Variants in PSG1 observed in about 807,000 individuals in gnomAD.
PSG1 encodes the protein pregnancy-specific beta-1-glycoprotein 1.
PSG1 carries 60 observed loss-of-function variants against 41.4 expected under a neutral mutation model. That is an observed-to-expected ratio of 1.45 (90% CI 1.18 to 1.80). The LOEUF is 1.80. Among genes scored for constraint, PSG1 ranks in the 40% most tolerant of loss-of-function variants. PSG1 has a pLI of 0.00. For missense variants in PSG1, 806 were observed against 516.9 expected (o/e 1.56, Z -5.42); for synonymous variants, 256 against 192.9 (o/e 1.33, Z -2.71).
In PSG1 at chr19:42,872,032, C is replaced by T. The variant is rs193219975; in HGVS notation, c.444G>A (p.Lys148=). Residue 148 remains lysine (K), a synonymous_variant, in exon 3 of 6, where the codon AAG becomes AAA. Transcript: ENST00000436291. ...FTFTLHLETP[K]PSISSSNLNP... is the part of the protein sequence containing the mutation. ...TTAAGTTGCTGCTGGAGATGGAGGGCTTAGGAGTCTCCACTGTGCAGAAAA... is the reference window on the plus strand; with the variant it reads ...TTAAGTTGCTGCTGGAGATGGAGGGTTTAGGAGTCTCCACTGTGCAGAAAA... The T allele has an allele frequency of 1.5e-4, 242 of 1,611,866 alleles. 10 individuals carry two copies. The highest frequency in any genetic ancestry group is 2.0e-4 in the Non-Finnish European group (234 of 1,178,950).
Position 42,873,491 on chromosome 19 carries a change from A to C in PSG1, c.431-1446T>G, listed in dbSNP as rs1260544414. ...ATGTTATATTCTGACTCTAGTAACA[A>C]AAAAAATTTGGAGGAAACATTAAAA... On this transcript the variant is annotated intron_variant, in intron 2 of 5. Transcript: ENST00000436291. 3.3e-5 allele frequency among the ~76,000 whole-genome samples: 5 copies of C among 151,706 alleles called. 1 individual carries two copies. Among genetic ancestry groups the C allele is most frequent in the Non-Finnish European group, 7.4e-5 (5 of 67,932 alleles).
Position 42,866,968 on chromosome 19 carries a change from C to G in PSG1, c.*166G>C. The G allele has an allele frequency of 1.3e-6, 1 of 757,862 alleles. No individual in the cohort carries two copies. The allele number at this position is 757,862 out of a possible 1,614,324, so 46.9% of individuals were successfully genotyped here. A position where few individuals can be genotyped will look rare whatever the true frequency, so the allele number is the denominator to read the frequency against. On this transcript the variant is annotated 3_prime_UTR_variant, in exon 6 of 6. Transcript: ENST00000436291. ...GTTTGAGCATCTGTTGTTATGGTGT[C>G]GAATATTTTGGTGAGTTCTGAGTGG...
Position 42,866,714 on chromosome 19 carries a change from A to C in PSG1, c.*420T>G, listed in dbSNP as rs548947036. 1.5e-5 allele frequency: 6 copies of C among 396,604 alleles called. No homozygotes were observed. In the East Asian group the frequency reaches 2.8e-4, roughly 19 times the overall value. 24.6% of individuals were successfully genotyped at this position (396,604 alleles called of 1,614,324 possible). On this transcript the variant is annotated 3_prime_UTR_variant, in exon 6 of 6. Transcript: ENST00000436291. ...GAGCCACATTTCCCCCTGAGATGTTATGTAAAAGTTTGAGGTTGAGATGAC... is the reference window on the plus strand; with the variant it reads ...GAGCCACATTTCCCCCTGAGATGTTCTGTAAAAGTTTGAGGTTGAGATGAC...
chr19:42,878,327 G>A lies in PSG1; in HGVS notation c.65-49C>T, dbSNP rs777093400. The A allele has an allele frequency of 1.0e-5, 16 of 1,553,344 alleles. 2 individuals are homozygous for A. The South Asian group carries it at 1.9e-4, about 18-fold the overall frequency. ...TCAATATTGAGACCTATGTATTGGT[G>A]TGAAAACATGGGGCCCTGGGTCCTG... On this transcript the variant is annotated intron_variant, in intron 1 of 5. Coordinates refer to ENST00000436291, the MANE Select transcript of PSG1 (RefSeq NM_001184825.2).
chr19:42,870,052 A>C (rs1971314552), intron 3 of PSG1: 1 of 151,672 alleles, frequency 6.6e-6, no homozygotes, highest in African/African-American at 2.4e-5. Flanking sequence ...AGTGAATATG[A>C]GAAGAGACTG....
In PSG1 at chr19:42,879,528, G is replaced by C; in HGVS notation, c.54C>G (p.Leu18=). ...PCTQRIKWKG[L]LLTASLLNFW... ...AAGTTCTCTCCTCACCTGTGAGCAG[G>C]AGCCCCTTCCATTTGATGCGCTGTG... is the stretch of plus-strand genomic sequence containing the variant. Residue 18 remains leucine (L), a synonymous_variant, in exon 1 of 6, where the codon CTC becomes CTG. Coordinates refer to ENST00000436291, the MANE Select transcript of PSG1 (RefSeq NM_001184825.2). 1 of 1,609,058 alleles carries C rather than the reference G, an allele frequency of 6.2e-7. No homozygotes were observed. The highest frequency in any genetic ancestry group is 1.1e-5 in the South Asian group (1 of 90,662).
chr19:42,877,767 T>C, intron 2 of PSG1, 146 bp downstream of exon 2: 6 of 1,513,024 alleles, frequency 4.0e-6, no homozygotes, highest in Non-Finnish European at 5.5e-6. Context: ...CTCCTCTGTG[T>C]GTGTCCTGCA....
In PSG1 at chr19:42,877,914, G is replaced by T; in HGVS notation, c.429C>A (p.His143Gln). The change falls in exon 2 of 6, where the codon CAC (histidine) becomes CAA (glutamine). Residue 143 changes from histidine to glutamine, a missense_variant and splice_region_variant. His to Gln is a conservative substitution (Grantham distance 24). Coordinates refer to ENST00000436291, the MANE Select transcript of PSG1 (RefSeq NM_001184825.2). ...GVTGRFTFTL[H>Q]LETPKPSISS... ...CAGGGATCATGTGGAATCACTTACG[G>T]TGTAAGGTGAAGGTGAAACGTCCAG... 4 of 1,612,144 alleles carry T rather than the reference G, an allele frequency of 2.5e-6. No homozygotes were observed. Among genetic ancestry groups the T allele is most frequent in the Non-Finnish European group, 3.4e-6 (4 of 1,178,946 alleles).
Position 42,868,175 on chromosome 19 carries a change from C to T in PSG1, c.1169G>A (p.Gly390Glu). The T allele has an allele frequency of 6.2e-7, 1 of 1,612,358 alleles. No homozygotes were observed. Among genetic ancestry groups the T allele is most frequent in the Non-Finnish European group, 8.5e-7 (1 of 1,179,098 alleles). Residue 390 changes from glycine to glutamate, a missense_variant, in exon 5 of 6, where the codon GGG becomes GAG. Transcript: ENST00000436291. ...FIRHITTKHS[G>E]LYVCSVRNSA... ...GTTACGAACAGAGCAAACATAGAGC[C>T]CGCTATGCTTTGTAGTAATATGGCG...
rs192583781 is a variant in PSG1, at chr19:42,876,187, A to G, written c.430+1726T>C. Among the ~76,000 whole-genome samples the G allele has an allele frequency of 3.8e-3, 583 of 151,634 alleles. 10 individuals are homozygous for G. The highest frequency in any genetic ancestry group is 0.013 in the African/African-American group (550 of 41,330). ...CTGTGCAGGACAGGGCTTGCCAGTC[A>G]GAATGAAGTGGGAGGAAGATGAGGG... On this transcript the variant is annotated intron_variant, in intron 2 of 5. Coordinates refer to ENST00000436291, the MANE Select transcript of PSG1 (RefSeq NM_001184825.2).
intron 2 of PSG1, among the ~76,000 whole-genome samples, chr19:42,874,823 G>C (rs1023060215): frequency 1.3e-5 from 2 of 151,216 alleles, no homozygotes; most frequent in African/African-American, 4.9e-5. Flanking sequence ...AGTGAGGATG[G>C]GGTCAAGAGT....
In PSG1 at chr19:42,878,035, G is replaced by A; in HGVS notation, c.308C>T (p.Ser103Phe). ...PAYSGRETAY[S>F]NASLLIQNVT... ...ATTCTGGATCAGCAGGGATGCATTG[G>A]AATATGCTGTTTCTCGTCCACTATA... Residue 103 changes from serine (S) to phenylalanine (F), a missense_variant, in exon 2 of 6, where the codon TCC (serine) becomes TTC (phenylalanine). Transcript: ENST00000436291. 1 of 1,612,414 alleles carries A rather than the reference G, an allele frequency of 6.2e-7. No individual in the cohort carries two copies. Among genetic ancestry groups the A allele is most frequent in the Non-Finnish European group, 8.5e-7 (1 of 1,179,186 alleles).
In PSG1 at chr19:42,868,936, T is replaced by C. The variant is rs749075523; in HGVS notation, c.808A>G (p.Thr270Ala). 4 of 1,610,516 alleles carry C rather than the reference T, an allele frequency of 2.5e-6. 1 individual carries two copies. Among genetic ancestry groups the C allele is most frequent in the South Asian group, 1.1e-5 (1 of 90,722 alleles). Residue 270 changes from threonine (T) to alanine (A), a missense_variant, in exon 4 of 6, where the codon ACC becomes GCC. By Grantham distance (58) the Thr-to-Ala change is moderately conservative (BLOSUM62 0). Coordinates refer to ENST00000436291, the MANE Select transcript of PSG1 (RefSeq NM_001184825.2). Reference sequence around the variant, plus strand: ...TGACCATTTAGCCACCAAATGTAGGTGTAGTTCTCACTCTTAGGTTCACAG... The same window carrying C: ...TGACCATTTAGCCACCAAATGTAGGCGTAGTTCTCACTCTTAGGTTCACAG... Reference protein sequence around the residue: ...FTCEPKSENYTYIWWLNGQSL... With the variant: ...FTCEPKSENYAYIWWLNGQSL...
At position 42,867,015 on chromosome 19, in the gene PSG1, T is replaced by G. The variant is rs1356446262; in HGVS notation, c.*119A>C. The G allele has an allele frequency of 1.4e-5, 11 of 766,042 alleles. No individual in the cohort carries two copies. Among genetic ancestry groups the G allele is most frequent in the Non-Finnish European group, 2.6e-5 (11 of 417,346 alleles). 47.5% of individuals were successfully genotyped at this position (766,042 alleles called of 1,614,324 possible). On this transcript the variant is annotated 3_prime_UTR_variant, in exon 6 of 6. Transcript: ENST00000436291. ...GTGGCTCATGCTTCACGTACAAGGG[T>G]TTTCCCATGAAATTTACATTGAGTT...
intron 2 of PSG1, 71 bp downstream of exon 2, chr19:42,877,842 A>G (rs1971674602): frequency 6.2e-7 from 1 of 1,609,618 alleles, no homozygotes; most frequent in Admixed American, 1.7e-5. Context: ...TCCAGGCCTG[A>G]CAATCCTGTG....
At chr19:42,876,081 A>G (rs1397355436) in intron 2 of PSG1, among the ~76,000 whole-genome samples, 1 of 151,378 alleles carries the variant, frequency 6.6e-6, no homozygotes, top group African/African-American at 2.4e-5. Flanking sequence ...GGGCCAGGCC[A>G]CAGTGTTAGT....
chr19:42,876,034 C>G (rs1460382552), intron 2 of PSG1, among the ~76,000 whole-genome samples: 1 of 151,274 alleles, frequency 6.6e-6, no homozygotes, highest in Non-Finnish European at 1.5e-5. Context: ...GTGGCAACTC[C>G]AGATGATTTC....
intron 2 of PSG1, among the ~76,000 whole-genome samples, chr19:42,874,535 A>G (rs992571634): frequency 3.3e-5 from 5 of 151,488 alleles, no homozygotes; most frequent in African/African-American, 1.2e-4. Flanking sequence ...TTTAGTAGAG[A>G]CGGGGTTTCA....
chr19:42,875,312 A>G (rs1454351718), intron 2 of PSG1, among the ~76,000 whole-genome samples: 1 of 151,788 alleles, frequency 6.6e-6, no homozygotes, highest in Non-Finnish European at 1.5e-5. Context: ...AAAACTAGTG[A>G]AAGACCATGA....
Sources: gnomAD v4.1 joint callset for allele counts (sites outside exome capture counted in the v4.1 genomes callset) on GRCh38, gnomAD v4.1.1 for gene constraint, MANE v1.5 for transcripts, NCBI Gene and HGNC (gene_info 2026-07-23, HGNC 2026-07-21) for gene names.